The following SYT17 variants were observed in gnomAD, a reference collection of about 807,000 sequenced individuals.
SYT17 encodes synaptotagmin 17.
In SYT17, 22 loss-of-function variants were observed where a neutral mutation model predicts 46.7. The ratio of observed to expected loss-of-function variants is 0.47; its 90% CI spans 0.34 to 0.67. The LOEUF (loss-of-function observed/expected upper bound fraction) is 0.67. Ranked by LOEUF, SYT17 falls within the 30% of genes least tolerant of loss-of-function variation. The pLI is 0.01. For missense variants in SYT17, 519 were observed against 612.8 expected (o/e 0.85, Z 1.62); for synonymous variants, 251 against 248.4 (o/e 1.01, Z -0.10).
chr16:19,250,572 C>A (rs1168773686), intron 7 of SYT17, among the ~76,000 whole-genome samples: 3 of 152,144 alleles, frequency 2.0e-5, no homozygotes, highest in African/African-American at 7.2e-5. Context: ...AAAGGTCTTG[C>A]TGTGTTCCCA....
At chr16:19,204,005 T>C (rs1380999151) in intron 5 of SYT17, among the ~76,000 whole-genome samples, 1 of 152,148 alleles carries the variant, frequency 6.6e-6, no homozygotes, top group Non-Finnish European at 1.5e-5. Context: ...CTGAGGGGGA[T>C]GGGAGCCGTT....
chr16:19,218,883 A>C (rs1055430040), intron 5 of SYT17, among the ~76,000 whole-genome samples: 1 of 151,902 alleles, frequency 6.6e-6, no homozygotes, highest in African/African-American at 2.4e-5. Context: ...CCCTCCCTCC[A>C]TCCCAGACCT....
chr16:19,221,092 G>A (rs1280858062), intron 5 of SYT17, among the ~76,000 whole-genome samples: 1 of 151,368 alleles, frequency 6.6e-6, no homozygotes, highest in Non-Finnish European at 1.5e-5. Context: ...AGGATGTTAA[G>A]GTAGTAGGAT....
At chr16:19,251,784 T>G (rs1968092474) in intron 7 of SYT17, among the ~76,000 whole-genome samples, 1 of 152,194 alleles carries the variant, frequency 6.6e-6, no homozygotes, top group African/African-American at 2.4e-5. Flanking sequence ...TCCATCTATT[T>G]CTCTGGAAAG....
intron 1 of SYT17, chr16:19,171,322 GATGATT>G (rs565279104): frequency 4.4e-5 from 3 of 68,060 alleles, no homozygotes; most frequent in African/African-American, 2.4e-4. Context: ...TGATGATGAT[GATGATT>G]ATGATTATTA....
rs1969131563 is a variant in SYT17 at position 19,263,518 on chromosome 16, T to C, written c.1229-3362T>C. Among the ~76,000 whole-genome samples, 3 of 151,702 alleles carry C rather than the reference T, an allele frequency of 2.0e-5. No homozygotes were observed. In the South Asian group the frequency reaches 6.2e-4, roughly 32 times the overall value. On this transcript the variant is annotated intron_variant, in intron 7 of 7. Coordinates refer to ENST00000355377, the MANE Select transcript of SYT17 (RefSeq NM_016524.4). ...TTAGCCAGGCATGGTGGTGGGCACCTGTACCCAGCTACTTGGGAGTCTGAG... is the reference window on the plus strand; with the variant it reads ...TTAGCCAGGCATGGTGGTGGGCACCCGTACCCAGCTACTTGGGAGTCTGAG...
intron 3 of SYT17, among the ~76,000 whole-genome samples, chr16:19,176,146 T>A (rs1393894397): frequency 6.6e-6 from 1 of 152,218 alleles, no homozygotes; most frequent in Non-Finnish European, 1.5e-5. Context: ...CCTTTCTCTC[T>A]CTCTCTTTCT....
intron 7 of SYT17, among the ~76,000 whole-genome samples, chr16:19,227,433 A>G (rs1164822279): frequency 1.3e-5 from 2 of 151,218 alleles, no homozygotes; most frequent in East Asian, 1.9e-4. Context: ...CTCGTGCCTC[A>G]GCCTCCTCAG....
At chr16:19,262,942 C>T (rs1969089505) in intron 7 of SYT17, among the ~76,000 whole-genome samples, 1 of 152,142 alleles carries the variant, frequency 6.6e-6, no homozygotes, top group Non-Finnish European at 1.5e-5. Context: ...AGCTACACTC[C>T]CTCAGGGACA....
intron 7 of SYT17, among the ~76,000 whole-genome samples, chr16:19,229,201 G>T (rs142278972): frequency 6.6e-6 from 1 of 152,282 alleles, no homozygotes; most frequent in Admixed American, 6.5e-5. Flanking sequence ...GAAAGAAAGC[G>T]TATTAGTCCG....
intron 5 of SYT17, among the ~76,000 whole-genome samples, chr16:19,221,208 A>AT (rs1491110115): frequency 2.2e-5 from 3 of 136,180 alleles, no homozygotes; most frequent in Non-Finnish European, 3.3e-5. Context: ...AAAAAAAAAA[A>AT]GAGAGAGAGA....
chr16:19,255,639 G>A (rs901544794), intron 7 of SYT17, among the ~76,000 whole-genome samples: 1 of 152,060 alleles, frequency 6.6e-6, no homozygotes, highest in African/African-American at 2.4e-5. Flanking sequence ...AAATTAATTA[G>A]CTGGGCGTGG....
At chr16:19,221,603 G>C (rs1261901575) in intron 5 of SYT17, among the ~76,000 whole-genome samples, 1 of 152,106 alleles carries the variant, frequency 6.6e-6, no homozygotes, top group Non-Finnish European at 1.5e-5. Flanking sequence ...GAATCTTTTG[G>C]TTTGACTGTT....
intron 7 of SYT17, among the ~76,000 whole-genome samples, chr16:19,247,728 A>G (rs1967685191): frequency 6.6e-6 from 1 of 152,186 alleles, no homozygotes; most frequent in Non-Finnish European, 1.5e-5. Context: ...CTTTAAAATC[A>G]TCTTTATTTT....
At chr16:19,211,555 G>A (rs1304585505) in intron 5 of SYT17, 2 of 686,142 alleles carry the variant, frequency 2.9e-6, no homozygotes, top group Non-Finnish European at 5.3e-6. Context: ...GCTTAGATGA[G>A]GAGGTGACTG....
intron 3 of SYT17, among the ~76,000 whole-genome samples, chr16:19,173,845 A>T (rs767091631): frequency 6.6e-6 from 1 of 152,112 alleles, no homozygotes. Context: ...GAACCGTGTA[A>T]TGCTAAGCGT....
At position 19,168,700 on chromosome 16, in the gene SYT17, AGG is replaced by A; in HGVS notation, c.15+43_15+44del. 1 of 1,452,632 alleles carries A rather than the reference AGG, an allele frequency of 6.9e-7. No homozygotes were observed. The allele number at this position is 1,452,632 out of a possible 1,614,324, so 90.0% of individuals were successfully genotyped here. On this transcript the variant is annotated intron_variant, in intron 1 of 7. Transcript: ENST00000355377. This position sits in a 1 kb window ranked among gnomAD's most constrained non-coding sequence, Gnocchi z 6.9. The stretch of plus-strand genomic sequence containing the variant: ...TGGGGGCAAGGTCCGGGGTGCGGGT[AGG>A]GGGTGCCGCGCCCCCTCCGGCTGGG...
At chr16:19,234,793 T>C (rs905915944) in intron 7 of SYT17, among the ~76,000 whole-genome samples, 2 of 152,130 alleles carry the variant, frequency 1.3e-5, no homozygotes, top group African/African-American at 4.8e-5. Context: ...ACTTGGAAAA[T>C]TATATCTGCT....
Position 19,254,748 on chromosome 16 carries a change from G to A in SYT17, c.1229-12132G>A, listed in dbSNP as rs1968441419. On this transcript the variant is annotated intron_variant, in intron 7 of 7. Coordinates refer to ENST00000355377, the MANE Select transcript of SYT17 (RefSeq NM_016524.4). ...ATGTAGAGAGGACCCTCAGTCAGAT[G>A]TATACATTTTTGGTTGTTCATGTCA... 1.3e-5 allele frequency among the ~76,000 whole-genome samples: 2 copies of A among 152,292 alleles called. 1 individual carries two copies. Among genetic ancestry groups the A allele is most frequent in the South Asian group, 4.1e-4 (2 of 4,826 alleles).
Sources: allele counts gnomAD v4.1 joint callset (sites outside exome capture counted in the v4.1 genomes callset), GRCh38; gene constraint gnomAD v4.1.1; non-coding constraint Gnocchi (gnomAD v3.1); transcripts MANE v1.5; gene names NCBI Gene and HGNC (gene_info 2026-07-23, HGNC 2026-07-21).